MID2: variants seen among roughly 807,000 people sequenced by gnomAD.
The protein encoded by MID2 is midline 2.
MID2 carries 13 observed loss-of-function variants against 46.1 expected under a neutral mutation model. The ratio of observed to expected loss-of-function variants is 0.28; its 90% CI spans 0.18 to 0.45. MID2 has a LOEUF of 0.45. Ranked by LOEUF, MID2 falls within the 20% of genes least tolerant of loss-of-function variation. The probability of loss-of-function intolerance (pLI) is 1.00; values close to 1 mark genes in which losing one functional copy is unlikely to be tolerated. For synonymous variants in MID2, 199 were observed against 212.3 expected (o/e 0.94, Z 0.55); for missense variants, 431 against 575.4 (o/e 0.75, Z 2.57).
chrX:107,889,994 T>C (rs1932561559), intron 3 of MID2, among the ~76,000 whole-genome samples: 1 of 111,904 alleles, frequency 8.9e-6, no homozygotes, highest in Admixed American at 9.5e-5. Flanking sequence ...CTTCTCTGCA[T>C]TGGTTATTCT....
intron 3 of MID2, among the ~76,000 whole-genome samples, chrX:107,894,229 A>C (rs2147857090): frequency 9.0e-6 from 1 of 111,216 alleles, no homozygotes; most frequent in Non-Finnish European, 1.9e-5. Context: ...ATGGCTTGGT[A>C]CACGAATAGG....
At chrX:107,919,958 T>C (rs924597758) in intron 7 of MID2, among the ~76,000 whole-genome samples, 3 of 112,318 alleles carry the variant, frequency 2.7e-5, no homozygotes, top group Non-Finnish European at 3.8e-5. Context: ...CTAAAATCCT[T>C]TGGGATACAG....
At chrX:107,892,534 C>A (rs758512490) in intron 3 of MID2, among the ~76,000 whole-genome samples, 1 of 111,901 alleles carries the variant, frequency 8.9e-6, no homozygotes, top group South Asian at 3.8e-4. Context: ...CCATCCTGTT[C>A]CCCTCCTATC....
At chrX:107,917,835 C>A (rs1932998228) in intron 7 of MID2, 96 bp downstream of exon 7, 1 of 746,921 alleles carries the variant, frequency 1.3e-6, no homozygotes, top group Non-Finnish European at 2.0e-6. Context: ...TGATGGGTAA[C>A]AAGCAAGTTG....
chrX:107,926,542 T>G (rs774256573), intron 9 of MID2, 129 bp from the exon 10 acceptor site: 1 of 684,450 alleles, frequency 1.5e-6, no homozygotes, highest in East Asian at 3.5e-5. Context: ...ATATCAGCAT[T>G]ATGCATCTAA....
rs1301964684 is a variant in MID2 at position 107,931,047 on chromosome X, T to A, written c.*3974T>A. Among the ~76,000 whole-genome samples the A allele has an allele frequency of 8.9e-6, 1 of 112,673 alleles. No homozygotes were observed. The highest frequency in any genetic ancestry group is 1.9e-5 in the Non-Finnish European group (1 of 53,293). On this transcript the variant is annotated 3_prime_UTR_variant, in exon 10 of 10. Transcript: ENST00000262843. ...TATTATACAATTCTATGTGTATCTT[T>A]AGATGCAGTGAAATTCAGATTGCAG...
At chrX:107,867,746 G>C (rs1043525940) in intron 3 of MID2, among the ~76,000 whole-genome samples, 1 of 111,724 alleles carries the variant, frequency 9.0e-6, no homozygotes, top group African/African-American at 3.3e-5. Flanking sequence ...TGGATGTGGG[G>C]AATAAGAAAG....
intron 7 of MID2, among the ~76,000 whole-genome samples, chrX:107,919,288 C>G (rs1329541555): frequency 2.7e-5 from 3 of 111,454 alleles, no homozygotes; most frequent in African/African-American, 9.8e-5. Flanking sequence ...GTTATTAACT[C>G]TACTTTATAG....
chrX:107,889,699 A>G (rs748318143), intron 3 of MID2, among the ~76,000 whole-genome samples: 1 of 112,160 alleles, frequency 8.9e-6, no homozygotes, highest in Admixed American at 9.4e-5. Context: ...CCTGGATAAT[A>G]TCCTGCAAAG....
chrX:107,868,831 A>G (rs188247637), intron 3 of MID2, among the ~76,000 whole-genome samples: 147 of 111,066 alleles, frequency 1.3e-3, no homozygotes, highest in African/African-American at 4.6e-3. Context: ...AGGGGGATCA[A>G]TCTATGCTTC....
chrX:107,826,122 G>A lies in MID2; in HGVS notation c.-305G>A. 1 of 296,931 alleles carries A rather than the reference G, an allele frequency of 3.4e-6. No individual in the cohort carries two copies. The highest frequency in any genetic ancestry group is 6.1e-5 in the Admixed American group (1 of 16,481). The allele number at this position is 296,931 out of a possible 1,213,427, so 24.5% of individuals were successfully genotyped here. A position where few individuals can be genotyped will look rare whatever the true frequency, so the allele number is the denominator to read the frequency against. The stretch of plus-strand genomic sequence containing the variant: ...TGTGGTGCTGCCGTGGTGTCATGGT[G>A]CTGCCCCTGGACTGAGGGGCGAAAA... On this transcript the variant is annotated 5_prime_UTR_variant, in exon 1 of 10. Coordinates refer to ENST00000262843, the MANE Select transcript of MID2 (RefSeq NM_012216.4).
In MID2 at chrX:107,930,142, TG is replaced by T; in HGVS notation, c.*3071del. ...TATTGTTAATACCTGGCACAGTGCT[TG>T]GAACATTAGCTTGGCTAATGTTTAT... is the stretch of plus-strand genomic sequence containing the variant. On this transcript the variant is annotated 3_prime_UTR_variant, in exon 10 of 10. Transcript: ENST00000262843. Among the ~76,000 whole-genome samples the T allele has an allele frequency of 8.9e-6, 1 of 111,832 alleles. No individual in the cohort carries two copies. The highest frequency in any genetic ancestry group is 3.2e-5 in the African/African-American group (1 of 30,815).
Position 107,917,529 on chromosome X carries a change from G to A in MID2, c.1225G>A (p.Glu409Lys), listed in dbSNP as rs1932991885. The A allele has an allele frequency of 8.3e-7, 1 of 1,208,429 alleles. No homozygotes were observed. Among genetic ancestry groups the A allele is most frequent in the Non-Finnish European group, 1.1e-6 (1 of 894,299 alleles). The part of the protein sequence containing the change: ...LTAPNPPSIR[E>K]ELCTASHDTI... The stretch of plus-strand genomic sequence containing the variant: ...AGCCCCAAACCCACCATCTATCCGA[G>A]AAGAACTCTGTACTGCCTCCCATGA... The change falls in exon 7 of 10, where the codon GAA (glutamate) becomes AAA (lysine). Residue 409 changes from glutamate to lysine, a missense_variant. Glu to Lys is a moderately conservative substitution (Grantham distance 56). Transcript: ENST00000262843.
At chrX:107,880,634 G>A (rs1010291379) in intron 3 of MID2, among the ~76,000 whole-genome samples, 16 of 112,433 alleles carry the variant, frequency 1.4e-4, no homozygotes, top group East Asian at 2.8e-4. Flanking sequence ...GATGTTATCT[G>A]CAGGAGTAAC....
chrX:107,918,751 T>G (rs1023330806), intron 7 of MID2, among the ~76,000 whole-genome samples: 7 of 112,082 alleles, frequency 6.2e-5, no homozygotes, highest in African/African-American at 2.3e-4. Flanking sequence ...CTTCACTGAT[T>G]TATTTGTCTC....
At chrX:107,856,110 C>T (rs369534018) in intron 3 of MID2, among the ~76,000 whole-genome samples, 60 of 112,241 alleles carry the variant, frequency 5.3e-4, no homozygotes, top group African/African-American at 1.5e-3. Context: ...CTAGGTATCA[C>T]AGGTCATGAT....
At chrX:107,922,792 G>C (rs1028370393) in intron 7 of MID2, among the ~76,000 whole-genome samples, 4 of 111,469 alleles carry the variant, frequency 3.6e-5, no homozygotes, top group Admixed American at 1.9e-4. Flanking sequence ...CTCTATATCA[G>C]TTCATAGTGA....
chrX:107,872,095 T>A, intron 3 of MID2, among the ~76,000 whole-genome samples: 1 of 111,438 alleles, frequency 9.0e-6, no homozygotes, highest in Non-Finnish European at 1.9e-5. Context: ...CGATGACTGG[T>A]CTTAGCTACT....
At chrX:107,831,270 G>T (rs1008503) in intron 1 of MID2, among the ~76,000 whole-genome samples, 10 of 111,367 alleles carry the variant, frequency 9.0e-5, no homozygotes, top group Non-Finnish European at 1.7e-4. Context: ...CTTCCTTCCC[G>T]TAGGTCAGAC....
Sources: gnomAD v4.1 joint callset for allele counts (sites outside exome capture counted in the v4.1 genomes callset) on GRCh38, gnomAD v4.1.1 for gene constraint, MANE v1.5 for transcripts, NCBI Gene and HGNC (gene_info 2026-07-23, HGNC 2026-07-21) for gene names.